MYO18B: variants seen among roughly 807,000 people sequenced by gnomAD.
The protein encoded by MYO18B is unconventional myosin-XVIIIb.
Under a neutral mutation model 273.0 loss-of-function variants are expected in MYO18B, and 204 were observed. The observed-to-expected ratio is 0.75, with a 90% CI of 0.67 to 0.84. The LOEUF (loss-of-function observed/expected upper bound fraction) is 0.84, where lower values mean the gene tolerates loss of function less well. Ranked by LOEUF, MYO18B falls within the 40% of genes least tolerant of loss-of-function variation. MYO18B has a pLI of 0.00. For missense variants in MYO18B, 3,212 were observed against 3,287.6 expected, an observed-to-expected ratio of 0.98 and a Z score of 0.56; for synonymous variants, 1,330 against 1,305.7, an observed-to-expected ratio of 1.02 and a Z score of -0.40.
chr22:25,873,174 T>C (rs1601421861), intron 22 of MYO18B, among the ~76,000 whole-genome samples: 1 of 152,210 alleles, frequency 6.6e-6, no homozygotes, highest in East Asian at 1.9e-4. Context: ...CCTGGGGTCC[T>C]AGCTTCCCTC....
At chr22:25,860,150 TAAAG>T (rs1474841549) in intron 21 of MYO18B, among the ~76,000 whole-genome samples, 3 of 152,236 alleles carry the variant, frequency 2.0e-5, no homozygotes, top group African/African-American at 4.8e-5. Flanking sequence ...TGGCCATAAA[TAAAG>T]AGTTTATTTT....
intron 25 of MYO18B, among the ~76,000 whole-genome samples, chr22:25,882,215 A>G (rs1045495665): frequency 3.1e-5 from 4 of 129,458 alleles, no homozygotes; most frequent in Admixed American, 2.9e-4. Flanking sequence ...TTCGTCAAAT[A>G]ATCCCAGTCC....
chr22:25,859,186 T>A (rs1329996898), intron 21 of MYO18B, among the ~76,000 whole-genome samples: 1 of 152,210 alleles, frequency 6.6e-6, no homozygotes, highest in Non-Finnish European at 1.5e-5. Context: ...GCTTTAATAT[T>A]TGCCTTAAAA....
intron 34 of MYO18B, among the ~76,000 whole-genome samples, chr22:25,941,961 C>G (rs962189913): frequency 6.6e-6 from 1 of 152,228 alleles, no homozygotes; most frequent in African/African-American, 2.4e-5. Context: ...TTTTCTTTCT[C>G]TCTAAAATGG....
At chr22:25,854,050 A>T (rs1383201214) in intron 21 of MYO18B, among the ~76,000 whole-genome samples, 1 of 152,176 alleles carries the variant, frequency 6.6e-6, no homozygotes. Context: ...TAATAAGACA[A>T]GGTTGACAGC....
At chr22:25,771,944 C>T (rs1177180784) in intron 6 of MYO18B, among the ~76,000 whole-genome samples, 1 of 152,340 alleles carries the variant, frequency 6.6e-6, no homozygotes. Flanking sequence ...AGAGCTTCCT[C>T]GTAAGACCCA....
intron 34 of MYO18B, among the ~76,000 whole-genome samples, chr22:25,937,327 G>A (rs866077941): frequency 8.6e-5 from 13 of 151,892 alleles, no homozygotes; most frequent in African/African-American, 1.5e-4. Flanking sequence ...CAACCGATTC[G>A]TTTGCCTCGG....
chr22:26,016,747 C>T (rs1245937757), intron 42 of MYO18B, among the ~76,000 whole-genome samples: 1 of 152,184 alleles, frequency 6.6e-6, no homozygotes, highest in East Asian at 1.9e-4. Flanking sequence ...ACTCCAGTAT[C>T]TCCCAGTCTT....
At chr22:25,887,525 G>A (rs1308277697) in intron 25 of MYO18B, among the ~76,000 whole-genome samples, 13 of 152,168 alleles carry the variant, frequency 8.5e-5, no homozygotes, top group Non-Finnish European at 1.2e-4. Flanking sequence ...TGGTAGATCC[G>A]GAGAGGTTTT....
chr22:25,918,648 G>C (rs1331125017), intron 33 of MYO18B, among the ~76,000 whole-genome samples: 1 of 152,224 alleles, frequency 6.6e-6, no homozygotes. Context: ...CTTTCAGGCA[G>C]TGAAGATCGT....
intron 40 of MYO18B, among the ~76,000 whole-genome samples, chr22:25,999,459 C>T (rs1046188544): frequency 3.2e-4 from 48 of 152,118 alleles, no homozygotes; most frequent in African/African-American, 1.1e-3. Flanking sequence ...TTAATTATCT[C>T]GCTCATCATC....
chr22:25,920,335 T>G (rs1255693443), intron 33 of MYO18B, among the ~76,000 whole-genome samples: 1 of 152,254 alleles, frequency 6.6e-6, no homozygotes, highest in African/African-American at 2.4e-5. Context: ...ACACGTTGTC[T>G]TTTAAGTCAG....
intron 21 of MYO18B, among the ~76,000 whole-genome samples, chr22:25,863,652 A>G (rs117976830): frequency 0.042 from 6,352 of 152,258 alleles, 199 homozygotes; most frequent in East Asian, 0.17. Flanking sequence ...CATCTTGAAT[A>G]TTTGAGGCTT....
chr22:25,753,251 G>A (rs1444187281), intron 1 of MYO18B, among the ~76,000 whole-genome samples: 1 of 152,202 alleles, frequency 6.6e-6, no homozygotes, highest in Non-Finnish European at 1.5e-5. Flanking sequence ...GGGGGGCGGG[G>A]GTTGCTGGAT....
chr22:25,955,648 C>A (rs956684120), intron 39 of MYO18B, among the ~76,000 whole-genome samples: 1 of 152,188 alleles, frequency 6.6e-6, no homozygotes, highest in Non-Finnish European at 1.5e-5. Context: ...TTTCCTGCTC[C>A]ATTCATTCCA....
chr22:25,770,535 G>A (rs979531993), intron 5 of MYO18B, among the ~76,000 whole-genome samples: 1 of 152,156 alleles, frequency 6.6e-6, no homozygotes, highest in African/African-American at 2.4e-5. Flanking sequence ...GGGAAGAGTG[G>A]TTGATTAGTG....
intron 32 of MYO18B, 73 bp downstream of exon 32, chr22:25,908,505 C>A: frequency 7.8e-7 from 1 of 1,278,988 alleles, no homozygotes; most frequent in South Asian, 1.3e-5. Flanking sequence ...TTCCTTAGAG[C>A]GAGGAGTAGG....
intron 12 of MYO18B, among the ~76,000 whole-genome samples, chr22:25,815,209 C>T (rs1014917662): frequency 6.6e-5 from 10 of 152,212 alleles, no homozygotes; most frequent in Admixed American, 6.5e-4. Flanking sequence ...CTCAGCCTGC[C>T]TTGGCGAGGG....
At chr22:25,874,253 A>G in intron 22 of MYO18B, 33 bp from the exon 23 acceptor site, 1 of 1,612,632 alleles carries the variant, frequency 6.2e-7, no homozygotes, top group Non-Finnish European at 8.5e-7. Flanking sequence ...CTTCTTCAGC[A>G]GAGGACTCAC....
Sources: allele counts gnomAD v4.1 joint callset (sites outside exome capture counted in the v4.1 genomes callset), GRCh38; gene constraint gnomAD v4.1.1; transcripts MANE v1.5; gene names NCBI Gene and HGNC (gene_info 2026-07-23, HGNC 2026-07-21).